Variants in MAGI2 observed in about 807,000 individuals in gnomAD.
MAGI2 encodes membrane-associated guanylate kinase, WW and PDZ domain-containing protein 2.
A neutral mutation model predicts 133.3 loss-of-function variants in MAGI2; 35 were observed. That is an observed-to-expected ratio of 0.26 (90% CI 0.20 to 0.35). MAGI2 has a LOEUF of 0.35. MAGI2 is among the 10% of genes least tolerant of loss of function. The pLI, the probability that MAGI2 is intolerant of heterozygous loss-of-function variation, is 1.00. For synonymous variants in MAGI2, 729 were observed against 710.6 expected, an observed-to-expected ratio of 1.03 and a Z score of -0.41; for missense variants, 1,636 against 1,863.4, an observed-to-expected ratio of 0.88 and a Z score of 2.25.
intron 6 of MAGI2, among the ~76,000 whole-genome samples, chr7:78,406,683 C>T (rs555872440): frequency 4.6e-5 from 7 of 152,096 alleles, no homozygotes; most frequent in African/African-American, 1.4e-4. Context: ...GCTTTACAGT[C>T]AGCTACCATG....
chr7:78,720,687 A>G (rs796174496), intron 2 of MAGI2, among the ~76,000 whole-genome samples: 20 of 152,142 alleles, frequency 1.3e-4, no homozygotes, highest in African/African-American at 4.8e-4. Context: ...AATCATTTGT[A>G]CCCTGGGGAC....
intron 2 of MAGI2, among the ~76,000 whole-genome samples, chr7:78,645,097 T>G (rs1209742920): frequency 6.6e-6 from 1 of 151,582 alleles, no homozygotes; most frequent in Non-Finnish European, 1.5e-5. Context: ...GTAGATAGCC[T>G]GTATATGTGT....
chr7:78,615,035 C>T (rs908380864), intron 3 of MAGI2: 1 of 152,178 alleles, frequency 6.6e-6, no homozygotes, highest in Non-Finnish European at 1.5e-5. Flanking sequence ...ATGGATGACT[C>T]AATTTTCGCA....
chr7:78,762,411 C>G (rs1013590935), intron 2 of MAGI2, among the ~76,000 whole-genome samples: 1 of 151,968 alleles, frequency 6.6e-6, no homozygotes, highest in African/African-American at 2.4e-5. Context: ...CCACTGCACT[C>G]CAGCCTGGGC....
intron 2 of MAGI2, among the ~76,000 whole-genome samples, chr7:78,839,539 A>G (rs1791943272): frequency 6.6e-6 from 1 of 152,058 alleles, no homozygotes; most frequent in South Asian, 2.1e-4. Flanking sequence ...TCAGTTCTTC[A>G]TGGCTGGGGA....
At chr7:78,783,516 C>T (rs756240674) in intron 2 of MAGI2, among the ~76,000 whole-genome samples, 1 of 152,166 alleles carries the variant, frequency 6.6e-6, no homozygotes, top group Non-Finnish European at 1.5e-5. Context: ...ATTTACTATG[C>T]TATTTTGGAA....
chr7:78,360,972 G>A (rs76999936), intron 7 of MAGI2, among the ~76,000 whole-genome samples: 1 of 152,154 alleles, frequency 6.6e-6, no homozygotes, highest in Non-Finnish European at 1.5e-5. Context: ...CAGGGTCTGT[G>A]TACTGCACAC....
chr7:78,720,434 G>A (rs1820150719), intron 2 of MAGI2, among the ~76,000 whole-genome samples: 1 of 152,018 alleles, frequency 6.6e-6, no homozygotes, highest in South Asian at 2.1e-4. Context: ...GACACAGCTA[G>A]TAAGTGAAGC....
At chr7:78,776,191 TGTC>T (rs775193014) in intron 2 of MAGI2, among the ~76,000 whole-genome samples, 1 of 152,238 alleles carries the variant, frequency 6.6e-6, no homozygotes, top group African/African-American at 2.4e-5. Flanking sequence ...CCACTATTGT[TGTC>T]ATTAGCAAGT....
intron 1 of MAGI2, among the ~76,000 whole-genome samples, chr7:79,416,862 G>A (rs1033321067): frequency 1.3e-5 from 2 of 150,868 alleles, no homozygotes; most frequent in African/African-American, 4.9e-5. Context: ...AGCCTCCCAA[G>A]TAGCTGGGAC....
chr7:79,191,509 T>C (rs1316865102), intron 1 of MAGI2, among the ~76,000 whole-genome samples: 1 of 147,140 alleles, frequency 6.8e-6, no homozygotes, highest in Non-Finnish European at 1.5e-5. Context: ...CCTGTAACTC[T>C]TGGGCTCAAG....
In MAGI2 at chr7:78,132,970, T is replaced by C; in HGVS notation, c.3122A>G (p.Gln1041Arg). The change falls in exon 18 of 22, where the codon CAG becomes CGG. Residue 1041 changes from glutamine to arginine, a missense_variant. Gln to Arg is a conservative substitution (Grantham distance 43). Transcript: ENST00000354212. ...GCTGTTGGGGGTGGCTGGGCTTGGC[T>C]GGGCCAGGGGACTCTGCTGTGCCAG... is the stretch of plus-strand genomic sequence containing the variant. ...SPLAQQSPLA[Q>R]PSPATPNSPI... 6.2e-7 allele frequency: 1 copy of C among 1,613,488 alleles called. No individual in the cohort carries two copies. Among genetic ancestry groups the C allele is most frequent in the Non-Finnish European group, 8.5e-7 (1 of 1,179,804 alleles).
At chr7:78,161,001 G>A (rs1440322900) in intron 15 of MAGI2, among the ~76,000 whole-genome samples, 1 of 152,166 alleles carries the variant, frequency 6.6e-6, no homozygotes, top group Non-Finnish European at 1.5e-5. Flanking sequence ...TGGCTTAAAA[G>A]AATAAATAAA....
intron 2 of MAGI2, among the ~76,000 whole-genome samples, chr7:78,864,227 A>T (rs749017770): frequency 3.3e-4 from 50 of 152,324 alleles, no homozygotes; most frequent in Admixed American, 1.0e-3. Flanking sequence ...TACCCTTACA[A>T]CAAAAAATTT....
At chr7:78,559,530 G>A (rs1356770386) in intron 3 of MAGI2, among the ~76,000 whole-genome samples, 2 of 151,968 alleles carry the variant, frequency 1.3e-5, no homozygotes, top group Non-Finnish European at 2.9e-5. Context: ...ATTATCAAAG[G>A]GCATGTACTA....
chr7:79,378,500 T>A (rs1843530662), intron 1 of MAGI2, among the ~76,000 whole-genome samples: 1 of 151,640 alleles, frequency 6.6e-6, no homozygotes, highest in Non-Finnish European at 1.5e-5. Context: ...ATTTAAGGGA[T>A]ACATGATTTC....
At chr7:78,140,540 G>A (rs922616595) in intron 16 of MAGI2, among the ~76,000 whole-genome samples, 1 of 152,186 alleles carries the variant, frequency 6.6e-6, no homozygotes, top group South Asian at 2.1e-4. Flanking sequence ...TCATTAGCTC[G>A]CATTTCCATT....
chr7:78,924,572 T>G (rs1799534825), intron 2 of MAGI2, among the ~76,000 whole-genome samples: 1 of 152,144 alleles, frequency 6.6e-6, no homozygotes, highest in South Asian at 2.1e-4. Context: ...ATAAGCTTTT[T>G]GATGTGCTGC....
intron 9 of MAGI2, among the ~76,000 whole-genome samples, chr7:78,265,940 A>G (rs1453819502): frequency 2.0e-5 from 3 of 152,128 alleles, no homozygotes; most frequent in African/African-American, 7.2e-5. Context: ...GCTGGGGTGG[A>G]GCTGGGAACT....
Sources: allele counts gnomAD v4.1 joint callset (sites outside exome capture counted in the v4.1 genomes callset), GRCh38; gene constraint gnomAD v4.1.1; transcripts MANE v1.5; gene names NCBI Gene and HGNC (gene_info 2026-07-23, HGNC 2026-07-21).